The following ADK variants were observed in gnomAD, a reference collection of about 807,000 sequenced individuals.
ADK encodes N6,N6-dimethyladenosine kinase.
A neutral mutation model predicts 44.7 loss-of-function variants in ADK; 24 were observed. The observed-to-expected ratio is 0.54, with a 90% CI of 0.39 to 0.76. The LOEUF (loss-of-function observed/expected upper bound fraction) is 0.76, where lower values mean the gene tolerates loss of function less well. Ranked by LOEUF, ADK falls within the 30% of genes least tolerant of loss-of-function variation. ADK has a pLI of 0.00. For missense variants in ADK, 321 were observed against 425.1 expected, an observed-to-expected ratio of 0.76 and a Z score of 2.15; for synonymous variants, 128 against 142.6, an observed-to-expected ratio of 0.90 and a Z score of 0.73.
chr10:74,501,624 C>A (rs1049743638), intron 6 of ADK, among the ~76,000 whole-genome samples: 3 of 152,000 alleles, frequency 2.0e-5, no homozygotes, highest in African/African-American at 7.2e-5. Flanking sequence ...TGTCCACAAG[C>A]AGGAAGATAC....
At chr10:74,274,624 T>C (rs1289477421) in intron 3 of ADK, among the ~76,000 whole-genome samples, 1 of 151,020 alleles carries the variant, frequency 6.6e-6, no homozygotes, top group African/African-American at 2.4e-5. Flanking sequence ...TGGATCATCA[T>C]AAAGATCTTT....
intron 9 of ADK, among the ~76,000 whole-genome samples, chr10:74,654,114 T>C (rs1269697389): frequency 6.6e-6 from 1 of 152,222 alleles, no homozygotes; most frequent in Non-Finnish European, 1.5e-5. Context: ...TGATGGAAAG[T>C]CCATGATTAG....
rs1554836801 is a variant in ADK, at chr10:74,274,732, G to GTGTA, written c.195-39934_195-39933insGTAT. ...TAGTAGGAGAAAAATTTTAATGTGT[G>GTGTA]TATATATATATATATACACACACAC... On this transcript the variant is annotated intron_variant, in intron 3 of 10. Coordinates refer to ENST00000539909, the MANE Select transcript of ADK (RefSeq NM_006721.4). Among the ~76,000 whole-genome samples, 11 of 84,202 alleles carry GTGTA rather than the reference G, an allele frequency of 1.3e-4. No homozygotes were observed. The South Asian group carries it at 1.3e-3, about 10-fold the overall frequency. 55.2% of individuals were successfully genotyped at this position (84,202 alleles called of 152,430 possible). A position where few individuals can be genotyped will look rare whatever the true frequency, so the allele number is the denominator to read the frequency against.
At chr10:74,190,311 A>G (rs73282475) in intron 1 of ADK, among the ~76,000 whole-genome samples, 5,842 of 152,284 alleles carry the variant, frequency 0.038, 417 homozygotes, top group African/African-American at 0.13. Flanking sequence ...GCACTCAACC[A>G]GGCTTTCAGT....
chr10:74,382,794 G>C (rs1048726386), intron 4 of ADK, among the ~76,000 whole-genome samples: 3 of 151,764 alleles, frequency 2.0e-5, no homozygotes, highest in Non-Finnish European at 4.4e-5. Flanking sequence ...AAAGAAAAAG[G>C]CTTCCTCACT....
At chr10:74,557,860 G>A (rs898943206) in intron 7 of ADK, among the ~76,000 whole-genome samples, 1 of 152,174 alleles carries the variant, frequency 6.6e-6, no homozygotes, top group African/African-American at 2.4e-5. Flanking sequence ...TGGATTAGGA[G>A]ATTCTTTGAT....
At chr10:74,477,785 C>T (rs1564744545) in intron 6 of ADK, among the ~76,000 whole-genome samples, 2 of 152,112 alleles carry the variant, frequency 1.3e-5, no homozygotes, top group African/African-American at 2.4e-5. Flanking sequence ...ACATATTCTC[C>T]TCCCTCCTGC....
intron 10 of ADK, among the ~76,000 whole-genome samples, chr10:74,691,421 A>T (rs1855984400): frequency 6.6e-6 from 1 of 152,222 alleles, no homozygotes; most frequent in Non-Finnish European, 1.5e-5. Context: ...ATAACTATGT[A>T]ATTAGCTTGT....
intron 3 of ADK, among the ~76,000 whole-genome samples, chr10:74,306,515 G>C (rs533496925): frequency 6.6e-6 from 1 of 151,946 alleles, no homozygotes; most frequent in Admixed American, 6.5e-5. Context: ...TTTCTTTCTT[G>C]TGTTTTAGTC....
chr10:74,345,906 T>C (rs1033682089), intron 4 of ADK, among the ~76,000 whole-genome samples: 8 of 152,192 alleles, frequency 5.3e-5, no homozygotes, highest in African/African-American at 1.9e-4. Context: ...GTTGTTGTTG[T>C]TGTTTTGAGA....
rs771685885 is a variant in ADK at position 74,398,583 on chromosome 10, A to C, written c.555+4A>C. 2.6e-6 allele frequency: 4 copies of C among 1,518,674 alleles called. No individual in the cohort carries two copies. In the African/African-American group the frequency reaches 5.5e-5, roughly 21 times the overall value. The allele number at this position is 1,518,674 out of a possible 1,614,324, so 94.1% of individuals were successfully genotyped here. A position where few individuals can be genotyped will look rare whatever the true frequency, so the allele number is the denominator to read the frequency against. On this transcript the variant is annotated splice_donor_region_variant and intron_variant, in intron 6 of 10. Transcript: ENST00000539909. ...AGCAAGAGTTTGTTATATAGCAGTA[A>C]GTACTTACCTAATTCAAATCTCTAG...
chr10:74,314,100 A>G (rs938158584), intron 3 of ADK, among the ~76,000 whole-genome samples: 1 of 151,938 alleles, frequency 6.6e-6, no homozygotes, highest in Non-Finnish European at 1.5e-5. Flanking sequence ...GTTTATTTTT[A>G]TACATAAAAC....
At chr10:74,652,076 A>G (rs912023339) in intron 9 of ADK, among the ~76,000 whole-genome samples, 1 of 146,148 alleles carries the variant, frequency 6.8e-6, no homozygotes, top group Non-Finnish European at 1.5e-5. Context: ...GAGACAGAGT[A>G]TAGATCTTGT....
intron 7 of ADK, among the ~76,000 whole-genome samples, chr10:74,552,027 AT>A (rs1850052362): frequency 7.3e-6 from 1 of 136,578 alleles, no homozygotes; most frequent in Non-Finnish European, 1.5e-5. Context: ...TATTATTATT[AT>A]TTTTTATTGT....
chr10:74,495,062 T>C (rs1347395122), intron 6 of ADK, among the ~76,000 whole-genome samples: 2 of 152,162 alleles, frequency 1.3e-5, no homozygotes, highest in African/African-American at 2.4e-5. Context: ...TTCTTTTTTT[T>C]CCTAAGCCTT....
intron 8 of ADK, among the ~76,000 whole-genome samples, chr10:74,596,504 C>T (rs1000725131): frequency 1.3e-5 from 2 of 151,976 alleles, no homozygotes; most frequent in African/African-American, 2.4e-5. Flanking sequence ...TCTGTAGATT[C>T]AATGCAATCC....
chr10:74,319,990 A>G (rs1461675386), intron 4 of ADK, among the ~76,000 whole-genome samples: 1 of 152,222 alleles, frequency 6.6e-6, no homozygotes, highest in Non-Finnish European at 1.5e-5. Context: ...TAAAAATAAA[A>G]GGAATTACAA....
At chr10:74,187,452 A>G (rs775449843) in intron 1 of ADK, among the ~76,000 whole-genome samples, 1 of 152,060 alleles carries the variant, frequency 6.6e-6, no homozygotes, top group Non-Finnish European at 1.5e-5. Flanking sequence ...AGTTCTCTTT[A>G]TATCTGAATG....
chr10:74,618,345 C>T (rs1416567596), intron 9 of ADK, among the ~76,000 whole-genome samples: 1 of 152,070 alleles, frequency 6.6e-6, no homozygotes, highest in East Asian at 1.9e-4. Context: ...GACTGGAGTG[C>T]AGTGGTGTGA....
Sources: gnomAD v4.1 joint callset for allele counts (sites outside exome capture counted in the v4.1 genomes callset) on GRCh38, gnomAD v4.1.1 for gene constraint, MANE v1.5 for transcripts, NCBI Gene and HGNC (gene_info 2026-07-23, HGNC 2026-07-21) for gene names.